LRRIQ3: variants seen among roughly 807,000 people sequenced by gnomAD.
LRRIQ3 encodes the protein leucine rich repeats and IQ motif containing 3.
A neutral mutation model predicts 59.3 loss-of-function variants in LRRIQ3; 75 were observed. The observed-to-expected ratio is 1.26, with a 90% CI of 1.05 to 1.53. The LOEUF is 1.53. Ranked by LOEUF, LRRIQ3 falls within the 40% of genes most tolerant of loss-of-function variation. LRRIQ3 has a pLI of 0.00. For missense variants in LRRIQ3, 831 were observed against 710.0 expected (o/e 1.17, Z -1.94); for synonymous variants, 250 against 231.3 (o/e 1.08, Z -0.73).
At chr1:74,048,578 C>CCATT (rs1020026814) in intron 6 of LRRIQ3, among the ~76,000 whole-genome samples, 2 of 152,158 alleles carry the variant, frequency 1.3e-5, no homozygotes, top group Admixed American at 1.3e-4. Context: ...ATCCTTCCAT[C>CCATT]CATTCATTCA....
intron 6 of LRRIQ3, among the ~76,000 whole-genome samples, chr1:74,054,691 C>A (rs923569295): frequency 6.8e-6 from 1 of 147,790 alleles, no homozygotes; most frequent in Non-Finnish European, 1.5e-5. Flanking sequence ...TTGCTATGAA[C>A]AAAAACTGTC....
rs201130471 is a variant in LRRIQ3 at position 74,053,497 on chromosome 1, A to C, written c.998-11564T>G. ...CACACAGTTGATAAAGAACGTTATTAAAACTCAACAATAATAAAATAAACA... is the reference window on the plus strand; with the variant it reads ...CACACAGTTGATAAAGAACGTTATTCAAACTCAACAATAATAAAATAAACA... On this transcript the variant is annotated intron_variant, in intron 6 of 7. Coordinates refer to ENST00000354431, the MANE Select transcript of LRRIQ3 (RefSeq NM_001105659.2). Among the ~76,000 whole-genome samples, 4 of 152,266 alleles carry C rather than the reference A, an allele frequency of 2.6e-5. No homozygotes were observed. In the East Asian group the frequency reaches 5.8e-4, roughly 22 times the overall value.
chr1:74,041,382 A>G lies in LRRIQ3; in HGVS notation c.1549T>C (p.Leu517=). Residue 517 remains leucine (L), a synonymous_variant, in exon 7 of 8, where the codon TTA becomes CTA. Coordinates refer to ENST00000354431, the MANE Select transcript of LRRIQ3 (RefSeq NM_001105659.2). Reference sequence around the variant, plus strand: ...CGCTCATTATTTAAGTTTTGAACTAATAAACGCTCTGAAGCCTTTTGGGAT... The same window carrying G: ...CGCTCATTATTTAAGTTTTGAACTAGTAAACGCTCTGAAGCCTTTTGGGAT... ...EKSQKASERL[L]VQNLNNERTL... 6.2e-7 allele frequency: 1 copy of G among 1,613,882 alleles called. No individual in the cohort carries two copies. The highest frequency in any genetic ancestry group is 8.5e-7 in the Non-Finnish European group (1 of 1,179,900).
At chr1:74,054,939 A>G (rs1304342615) in intron 6 of LRRIQ3, among the ~76,000 whole-genome samples, 1 of 147,486 alleles carries the variant, frequency 6.8e-6, no homozygotes, top group Non-Finnish European at 1.5e-5. Flanking sequence ...TGTATTACAT[A>G]TTATGAATTA....
intron 1 of LRRIQ3, among the ~76,000 whole-genome samples, chr1:74,196,260 CTGTT>C (rs1297446869): frequency 2.0e-5 from 3 of 152,154 alleles, no homozygotes; most frequent in Admixed American, 6.5e-5. Context: ...ACACATCACT[CTGTT>C]TGTCTCCTCA....
chr1:74,155,819 T>G lies in LRRIQ3; in HGVS notation c.621A>C (p.Ser207=), dbSNP rs746545656. 6.3e-7 allele frequency: 1 copy of G among 1,580,722 alleles called. No individual in the cohort carries two copies. The highest frequency in any genetic ancestry group is 2.3e-5 in the East Asian group (1 of 43,238). The change falls in exon 4 of 8, where the codon TCA becomes TCC. Residue 207 remains serine (S), a synonymous_variant. Coordinates refer to ENST00000354431, the MANE Select transcript of LRRIQ3 (RefSeq NM_001105659.2). ...EEINNIKHIT[S]KINAILAHNS... is the part of the protein sequence containing the mutation. ...TATGAGCCAGAATTGCATTAATTTT[T>G]GAAGTAATATGTTTAATATTATTAA...
At chr1:74,037,672 C>T (rs529472131) in intron 7 of LRRIQ3, among the ~76,000 whole-genome samples, 1 of 151,986 alleles carries the variant, frequency 6.6e-6, no homozygotes, top group African/African-American at 2.4e-5. Context: ...ACAACAACAA[C>T]AAAAAACAAG....
At chr1:74,095,653 A>G (rs1437711625) in intron 5 of LRRIQ3, among the ~76,000 whole-genome samples, 1 of 152,108 alleles carries the variant, frequency 6.6e-6, no homozygotes, top group Admixed American at 6.6e-5. Context: ...CAGTATATTC[A>G]ATATTGGATA....
Position 74,174,370 on chromosome 1 carries a change from G to A in LRRIQ3, c.573+8168C>T, listed in dbSNP as rs115844254. On this transcript the variant is annotated intron_variant, in intron 3 of 7. Transcript: ENST00000354431. ...CACTGAACTCTACAATCCCCCTTCC[G>A]CCCTTCCCCTCTTCCTTCCTTCCTG... is the stretch of plus-strand genomic sequence containing the variant. Among the ~76,000 whole-genome samples the A allele has an allele frequency of 9.5e-4, 144 of 150,934 alleles. 1 individual carries two copies. The highest frequency in any genetic ancestry group is 3.4e-3 in the African/African-American group (141 of 41,064).
In LRRIQ3 at chr1:74,182,580, A is replaced by G. The variant is rs1477814373; in HGVS notation, c.531T>C (p.Cys177=). ...NWHLPERFKA[C]NHRLFFNFCP... ...AGAAATTAAAGAAAAGTCGATGGTT[A>G]CATGCTTTGAATCTTTCAGGAAGAT... is the stretch of plus-strand genomic sequence containing the variant. The change falls in exon 3 of 8, where the codon TGT becomes TGC. Residue 177 remains cysteine (C), a synonymous_variant. Transcript: ENST00000354431. The G allele has an allele frequency of 1.2e-6, 2 of 1,600,054 alleles. No individual in the cohort carries two copies. The highest frequency in any genetic ancestry group is 1.7e-6 in the Non-Finnish European group (2 of 1,173,452).
chr1:74,193,349 C>G (rs773778618), intron 1 of LRRIQ3, among the ~76,000 whole-genome samples: 8 of 152,204 alleles, frequency 5.3e-5, no homozygotes, highest in Middle Eastern at 6.8e-3. Flanking sequence ...TATCAGCAAA[C>G]CTTTCCTTAG....
intron 6 of LRRIQ3, among the ~76,000 whole-genome samples, chr1:74,059,033 T>C (rs535115920): frequency 6.6e-6 from 1 of 152,176 alleles, no homozygotes; most frequent in South Asian, 2.1e-4. Flanking sequence ...CATTAAATTC[T>C]TTATTTGTAT....
intron 7 of LRRIQ3, among the ~76,000 whole-genome samples, chr1:74,028,143 T>C (rs1040954021): frequency 1.1e-4 from 17 of 152,028 alleles, no homozygotes; most frequent in African/African-American, 4.1e-4. Flanking sequence ...AATCTAATTG[T>C]CTGGGTCTTA....
At chr1:74,057,902 T>C (rs931855335) in intron 6 of LRRIQ3, among the ~76,000 whole-genome samples, 12 of 151,996 alleles carry the variant, frequency 7.9e-5, no homozygotes, top group African/African-American at 2.9e-4. Context: ...AACTAAAAAA[T>C]AGTCAAAATC....
In LRRIQ3 at chr1:74,182,527, A is replaced by T; in HGVS notation, c.573+11T>A. 1 of 1,483,726 alleles carries T rather than the reference A, an allele frequency of 6.7e-7. No individual in the cohort carries two copies. 91.9% of individuals were successfully genotyped at this position (1,483,726 alleles called of 1,614,324 possible). On this transcript the variant is annotated intron_variant, in intron 3 of 7. Transcript: ENST00000354431. ...ATTTAATTAAAATGAAACCCTAAAG[A>T]AGCCAATTACCTTTCTCAAAGCTGG...
chr1:74,193,537 A>C (rs931951878), intron 1 of LRRIQ3, among the ~76,000 whole-genome samples: 3 of 152,152 alleles, frequency 2.0e-5, no homozygotes, highest in African/African-American at 7.2e-5. Flanking sequence ...TAAATTAAAT[A>C]TTAAGAAGTA....
chr1:74,123,017 A>G (rs999141490), intron 4 of LRRIQ3, among the ~76,000 whole-genome samples: 1 of 152,140 alleles, frequency 6.6e-6, no homozygotes, highest in African/African-American at 2.4e-5. Context: ...CTATTTCATT[A>G]GTCTTTTGAG....
At chr1:74,065,385 T>C (rs1654837805) in intron 6 of LRRIQ3, among the ~76,000 whole-genome samples, 2 of 152,120 alleles carry the variant, frequency 1.3e-5, no homozygotes, top group South Asian at 4.1e-4. Context: ...CCCTTCTCTC[T>C]AAAAGCTTCT....
In LRRIQ3 at chr1:74,041,741, T is replaced by C; in HGVS notation, c.1190A>G (p.Asp397Gly). Residue 397 changes from aspartate to glycine, a missense_variant, in exon 7 of 8, where the codon GAC (aspartate) becomes GGC (glycine). Coordinates refer to ENST00000354431, the MANE Select transcript of LRRIQ3 (RefSeq NM_001105659.2). ...TTTCATACTCCGCTCCAATCGTATG[T>C]CTTTTTTAATGATTGGCTTTGGATG... ...TTHPKPIIKK[D>G]IRLERSMKEF... 1.2e-6 allele frequency: 2 copies of C among 1,613,734 alleles called. No individual in the cohort carries two copies. The highest frequency in any genetic ancestry group is 8.5e-7 in the Non-Finnish European group (1 of 1,179,770).
Sources: allele counts gnomAD v4.1 joint callset (sites outside exome capture counted in the v4.1 genomes callset), GRCh38; gene constraint gnomAD v4.1.1; transcripts MANE v1.5; gene names NCBI Gene and HGNC (gene_info 2026-07-23, HGNC 2026-07-21).